Variants in PAN3 observed in about 807,000 individuals in gnomAD.
PAN3 encodes PAN2-PAN3 deadenylation complex subunit PAN3.
A neutral mutation model predicts 96.2 loss-of-function variants in PAN3; 19 were observed. The observed-to-expected ratio is 0.20, with a 90% confidence interval of 0.14 to 0.29. The LOEUF (loss-of-function observed/expected upper bound fraction) is 0.29. Ranked by LOEUF, PAN3 falls within the 10% of genes least tolerant of loss-of-function variation. The probability of loss-of-function intolerance (pLI) is 1.00; values close to 1 mark genes in which losing one functional copy is unlikely to be tolerated. For missense variants in PAN3, 882 were observed against 1,108.1 expected, an observed-to-expected ratio of 0.80 and a Z score of 2.90; for synonymous variants, 433 against 406.6, an observed-to-expected ratio of 1.06 and a Z score of -0.78.
At chr13:28,248,151 T>C (rs1023706801) in intron 6 of PAN3, among the ~76,000 whole-genome samples, 6 of 152,222 alleles carry the variant, frequency 3.9e-5, no homozygotes, top group African/African-American at 1.4e-4. Context: ...TTAAATTTAT[T>C]CCTAGATATT....
At chr13:28,222,846 A>G (rs1202739580) in intron 6 of PAN3, among the ~76,000 whole-genome samples, 1 of 152,210 alleles carries the variant, frequency 6.6e-6, no homozygotes, top group Non-Finnish European at 1.5e-5. Context: ...CCCCAAAACT[A>G]TTGCCCTCGA....
intron 15 of PAN3, among the ~76,000 whole-genome samples, chr13:28,277,801 G>A (rs1887182941): frequency 6.6e-6 from 1 of 152,234 alleles, no homozygotes; most frequent in Non-Finnish European, 1.5e-5. Flanking sequence ...TGCTGCTCTA[G>A]AGAGTGTGAA....
intron 16 of PAN3, 78 bp from the exon 17 acceptor site, chr13:28,281,237 C>T (rs1348383457): frequency 2.8e-6 from 3 of 1,061,750 alleles, no homozygotes; most frequent in Non-Finnish European, 4.3e-6. Flanking sequence ...GTACAGGTTA[C>T]CAGTTTTTGT....
At chr13:28,201,674 A>G (rs144878280) in intron 5 of PAN3, among the ~76,000 whole-genome samples, 1,559 of 152,228 alleles carry the variant, frequency 0.01, 22 homozygotes, top group African/African-American at 0.035. Context: ...TACTGGGATT[A>G]TAGGCATAAA....
At chr13:28,171,507 G>C (rs1432272924) in intron 1 of PAN3, among the ~76,000 whole-genome samples, 3 of 152,144 alleles carry the variant, frequency 2.0e-5, no homozygotes, top group African/African-American at 7.2e-5. Context: ...ACTTCTATCC[G>C]ACTTGGCTAC....
chr13:28,223,564 T>C (rs1428581431), intron 6 of PAN3, among the ~76,000 whole-genome samples: 1 of 152,024 alleles, frequency 6.6e-6, no homozygotes, highest in Non-Finnish European at 1.5e-5. Flanking sequence ...TTTTTTTGTT[T>C]TTTGTTTTTT....
chr13:28,215,413 G>T, intron 5 of PAN3: 1 of 720,264 alleles, frequency 1.4e-6, no homozygotes. Context: ...TTTGAGTGAA[G>T]CTCTTCTTGG....
At chr13:28,179,695 C>A (rs866277690) in intron 4 of PAN3, among the ~76,000 whole-genome samples, 2 of 150,154 alleles carry the variant, frequency 1.3e-5, no homozygotes, top group South Asian at 2.1e-4. Context: ...CAGAGTGAGA[C>A]CCTGTCTCAG....
At chr13:28,278,841 A>G (rs1887250728) in intron 15 of PAN3, among the ~76,000 whole-genome samples, 1 of 152,124 alleles carries the variant, frequency 6.6e-6, no homozygotes, top group Non-Finnish European at 1.5e-5. Flanking sequence ...GTCCATACTT[A>G]CGGATGAATT....
intron 6 of PAN3, among the ~76,000 whole-genome samples, chr13:28,224,989 A>C (rs984612331): frequency 1.3e-5 from 2 of 152,124 alleles, no homozygotes; most frequent in African/African-American, 4.8e-5. Flanking sequence ...ATTATACCAA[A>C]ATTAGCATTA....
chr13:28,275,782 C>CT (rs1317046542), intron 14 of PAN3, among the ~76,000 whole-genome samples: 1 of 152,164 alleles, frequency 6.6e-6, no homozygotes, highest in African/African-American at 2.4e-5. Flanking sequence ...GCTCCTGACT[C>CT]TATCACCAGT....
At chr13:28,260,388 C>A in intron 7 of PAN3, 59 bp from the exon 8 acceptor site, 1 of 1,323,438 alleles carries the variant, frequency 7.6e-7, no homozygotes, top group Non-Finnish European at 1.1e-6. Context: ...AGCAAGACTC[C>A]ATCTGAAAAA....
chr13:28,222,419 T>C (rs1881507959), intron 6 of PAN3, among the ~76,000 whole-genome samples: 1 of 152,188 alleles, frequency 6.6e-6, no homozygotes, highest in African/African-American at 2.4e-5. Flanking sequence ...CCATTGGAAA[T>C]AGGTCATTAT....
chr13:28,147,345 T>C (rs1280277816), intron 1 of PAN3, among the ~76,000 whole-genome samples: 1 of 152,218 alleles, frequency 6.6e-6, no homozygotes, highest in African/African-American at 2.4e-5. Context: ...TTTTTGACTT[T>C]AGGATGAGTT....
At chr13:28,169,309 A>G (rs1874000405) in intron 1 of PAN3, among the ~76,000 whole-genome samples, 1 of 135,926 alleles carries the variant, frequency 7.4e-6, no homozygotes, top group African/African-American at 2.8e-5. Flanking sequence ...GGCTCACTGC[A>G]ACCTCTGCCT....
chr13:28,261,518 T>G, intron 9 of PAN3, 60 bp downstream of exon 9: 3 of 1,458,580 alleles, frequency 2.1e-6, no homozygotes, highest in South Asian at 1.2e-5. Context: ...TACGTGGTAG[T>G]ACATGTTTTA....
intron 4 of PAN3, among the ~76,000 whole-genome samples, chr13:28,190,172 T>C (rs1877060239): frequency 1.3e-5 from 2 of 152,198 alleles, no homozygotes; most frequent in Non-Finnish European, 2.9e-5. Flanking sequence ...CTGGAACTCC[T>C]GACCTCAGGT....
intron 6 of PAN3, among the ~76,000 whole-genome samples, chr13:28,231,386 T>C (rs1882541035): frequency 6.6e-6 from 1 of 152,184 alleles, no homozygotes; most frequent in South Asian, 2.1e-4. Context: ...GAGGACTGTG[T>C]GTTTGATAAA....
chr13:28,194,540 G>C (rs1484546796), intron 4 of PAN3, among the ~76,000 whole-genome samples: 1 of 144,288 alleles, frequency 6.9e-6, no homozygotes, highest in Non-Finnish European at 1.5e-5. Flanking sequence ...GCGTGATCTC[G>C]GCTCAATGCA....
Sources: allele counts gnomAD v4.1 joint callset (sites outside exome capture counted in the v4.1 genomes callset), GRCh38; gene constraint gnomAD v4.1.1; transcripts MANE v1.5; gene names NCBI Gene and HGNC (gene_info 2026-07-23, HGNC 2026-07-21).